The following PIBF1 variants were observed in gnomAD, a reference collection of about 807,000 sequenced individuals.
The protein encoded by PIBF1 is progesterone-induced-blocking factor 1.
A neutral mutation model predicts 112.5 loss-of-function variants in PIBF1; 90 were observed. That is an observed-to-expected ratio of 0.80 (90% CI 0.67 to 0.95). The LOEUF (loss-of-function observed/expected upper bound fraction) is 0.95, where lower values mean the gene tolerates loss of function less well. PIBF1 is among the 40% of genes least tolerant of loss of function. The probability of loss-of-function intolerance (pLI) is 0.00; values close to 1 mark genes in which losing one functional copy is unlikely to be tolerated. For missense variants in PIBF1, 915 were observed against 852.3 expected (o/e 1.07, Z -0.92); for synonymous variants, 301 against 288.6 (o/e 1.04, Z -0.44).
intron 9 of PIBF1, chr13:72,836,185 T>C: frequency 2.4e-6 from 1 of 424,476 alleles, no homozygotes. Flanking sequence ...AGTTAGTGAT[T>C]GGCAGAATTC....
At chr13:72,829,207 A>G (rs1210703926) in intron 8 of PIBF1, among the ~76,000 whole-genome samples, 2 of 152,024 alleles carry the variant, frequency 1.3e-5, no homozygotes, top group Non-Finnish European at 2.9e-5. Context: ...GATTGCAAAA[A>G]TTTTCTCCTG....
intron 5 of PIBF1, among the ~76,000 whole-genome samples, chr13:72,809,037 A>G (rs1272012620): frequency 6.6e-6 from 1 of 152,046 alleles, no homozygotes; most frequent in Non-Finnish European, 1.5e-5. Flanking sequence ...TCTGGAGAAA[A>G]TAAAATTACT....
At chr13:72,785,306 CTG>C (rs1288933073) in intron 2 of PIBF1, among the ~76,000 whole-genome samples, 1 of 152,108 alleles carries the variant, frequency 6.6e-6, no homozygotes. Context: ...TGTTATTTGT[CTG>C]TGAATAGACT....
chr13:72,931,340 C>A, intron 14 of PIBF1, 73 bp downstream of exon 14: 1 of 977,690 alleles, frequency 1.0e-6, no homozygotes, highest in South Asian at 1.5e-5. Context: ...TTTTATTTTT[C>A]TAAGCAGTTT....
At chr13:72,979,410 A>G (rs1047682656) in intron 16 of PIBF1, among the ~76,000 whole-genome samples, 7 of 152,188 alleles carry the variant, frequency 4.6e-5, no homozygotes, top group African/African-American at 1.7e-4. Context: ...AGAGTAGGAA[A>G]AGTATCTTTC....
At chr13:72,869,414 A>G (rs954679366) in intron 10 of PIBF1, among the ~76,000 whole-genome samples, 2 of 146,114 alleles carry the variant, frequency 1.4e-5, no homozygotes, top group African/African-American at 5.0e-5. Context: ...GGAATTGAAC[A>G]ATGAGAGCAC....
intron 17 of PIBF1, among the ~76,000 whole-genome samples, chr13:73,010,810 C>CTTTTTTTATTTTTTTTTTT (rs2044175413): frequency 2.5e-5 from 1 of 40,280 alleles, no homozygotes; most frequent in African/African-American, 9.6e-5. Flanking sequence ...ATTAACTTTT[C>CTTTTTTTATTTTTTTTTTT]TTTTTTTTTT....
chr13:72,808,006 A>C (rs2035822696), intron 5 of PIBF1, among the ~76,000 whole-genome samples: 1 of 151,912 alleles, frequency 6.6e-6, no homozygotes, highest in African/African-American at 2.4e-5. Flanking sequence ...TTTGTCAGTA[A>C]TTTCTTCCTT....
Position 72,981,275 on chromosome 13 carries a change from T to TA in PIBF1, c.2049+7603dup, listed in dbSNP as rs1316669916. Among the ~76,000 whole-genome samples, 11 of 147,356 alleles carry TA rather than the reference T, an allele frequency of 7.5e-5. No individual in the cohort carries two copies. In the South Asian group the frequency reaches 2.3e-3, roughly 31 times the overall value. ...TCAAAAAAAATAAAATAAAATAAAA[T>TA]AAATAAATAAATAAAATAAAAATAA... is the stretch of plus-strand genomic sequence containing the variant. On this transcript the variant is annotated intron_variant, in intron 16 of 17. Coordinates refer to ENST00000326291, the MANE Select transcript of PIBF1 (RefSeq NM_006346.4).
In PIBF1 at chr13:72,964,050, G is replaced by A. The variant is rs569765353; in HGVS notation, c.1834-1224G>A. ...TATTTGTCCACCAATGTTCATAGCA[G>A]CATTATTCACAATAGCCAAACAGTG... On this transcript the variant is annotated intron_variant, in intron 14 of 17. Transcript: ENST00000326291. Among the ~76,000 whole-genome samples the A allele has an allele frequency of 2.0e-3, 309 of 152,310 alleles. 1 individual carries two copies. Among genetic ancestry groups the A allele is most frequent in the Non-Finnish European group, 3.8e-3 (258 of 68,024 alleles).
At chr13:72,916,414 A>ATATATAT (rs367708260) in intron 12 of PIBF1, among the ~76,000 whole-genome samples, 23 of 149,034 alleles carry the variant, frequency 1.5e-4, no homozygotes, top group African/African-American at 5.7e-4. Flanking sequence ...ATATATATAT[A>ATATATAT]TTTTTTTAAT....
intron 10 of PIBF1, among the ~76,000 whole-genome samples, chr13:72,891,134 A>G (rs1022108918): frequency 6.6e-6 from 1 of 152,168 alleles, no homozygotes; most frequent in African/African-American, 2.4e-5. Context: ...AGGAAATAAT[A>G]TTAGTGCCAA....
chr13:73,015,468 CAAT>C, intron 17 of PIBF1, among the ~76,000 whole-genome samples: 1 of 152,236 alleles, frequency 6.6e-6, no homozygotes, highest in African/African-American at 2.4e-5. Context: ...ATCTAAAACA[CAAT>C]AATTTGGATA....
chr13:72,982,022 T>C (rs969726419), intron 16 of PIBF1, among the ~76,000 whole-genome samples: 6 of 152,230 alleles, frequency 3.9e-5, no homozygotes, highest in Admixed American at 1.3e-4. Context: ...TAAATAAAGG[T>C]AATATCTACT....
At chr13:72,965,692 A>G (rs181491086) in intron 15 of PIBF1, among the ~76,000 whole-genome samples, 166 of 152,304 alleles carry the variant, frequency 1.1e-3, no homozygotes, top group Middle Eastern at 0.01. Flanking sequence ...TTGTTTCCCT[A>G]GAACTCTTTA....
chr13:72,826,170 A>G (rs925170618), intron 6 of PIBF1, among the ~76,000 whole-genome samples: 22 of 152,144 alleles, frequency 1.4e-4, no homozygotes, highest in Non-Finnish European at 2.4e-4. Flanking sequence ...CAAAATACGT[A>G]TAGTAATATG....
At chr13:72,818,628 C>T (rs1221353312) in intron 5 of PIBF1, among the ~76,000 whole-genome samples, 1 of 148,082 alleles carries the variant, frequency 6.8e-6, no homozygotes, top group East Asian at 2.0e-4. Context: ...CTTTATCAAT[C>T]CTTTCCTAAA....
intron 16 of PIBF1, among the ~76,000 whole-genome samples, chr13:72,994,113 A>G (rs202086881): frequency 2.1e-5 from 1 of 47,496 alleles, no homozygotes; most frequent in Admixed American, 2.4e-4. Context: ...AACCTGTCTC[A>G]AAAAAAAAAG....
chr13:72,893,850 A>G lies in PIBF1; in HGVS notation c.1389A>G (p.Lys463=), dbSNP rs749028018. ...VTEFLHQSKL[K]SFESERVQLL... ...AATTTCTCCATCAAAGTAAATTAAA[A>G]TCTTTTGAAAGTGAGCGTGTTCAAC... The change falls in exon 11 of 18, where the codon AAA becomes AAG. Residue 463 remains lysine (K), a synonymous_variant. Coordinates refer to ENST00000326291, the MANE Select transcript of PIBF1 (RefSeq NM_006346.4). 5 of 1,606,176 alleles carry G rather than the reference A, an allele frequency of 3.1e-6. No individual in the cohort carries two copies. In the East Asian group the frequency reaches 6.8e-5, roughly 22 times the overall value.
Sources: gnomAD v4.1 joint callset for allele counts (sites outside exome capture counted in the v4.1 genomes callset) on GRCh38, gnomAD v4.1.1 for gene constraint, MANE v1.5 for transcripts, NCBI Gene and HGNC (gene_info 2026-07-23, HGNC 2026-07-21) for gene names.